ZNF362: variants seen among roughly 807,000 people sequenced by gnomAD.
ZNF362 encodes the protein zinc finger protein 362, also known as rotund homolog.
ZNF362 carries 11 observed loss-of-function variants against 42.9 expected under a neutral mutation model. The ratio of observed to expected loss-of-function variants is 0.26; its 90% confidence interval spans 0.16 to 0.42. The LOEUF (loss-of-function observed/expected upper bound fraction) is 0.42, where lower values mean the gene tolerates loss of function less well. ZNF362 is among the 20% of genes least tolerant of loss of function. The pLI, the probability that ZNF362 is intolerant of heterozygous loss-of-function variation, is 1.00. For missense variants in ZNF362, 362 were observed against 576.2 expected, an observed-to-expected ratio of 0.63 and a Z score of 3.81; for synonymous variants, 255 against 257.3, an observed-to-expected ratio of 0.99 and a Z score of 0.09.
chr1:33,182,752 A>AG, the ZNF362 span, among the ~76,000 whole-genome samples: 4 of 151,934 alleles, frequency 2.6e-5, no homozygotes, highest in African/African-American at 9.7e-5. Flanking sequence ...CCTGTGCAAA[A>AG]GCATAGAGGC....
the ZNF362 span, chr1:33,165,913 C>T: frequency 1.7e-5 from 3 of 181,002 alleles, no homozygotes; most frequent in Non-Finnish European, 3.5e-5. The surrounding 1 kb of genome is among the most constrained non-coding windows in gnomAD (Gnocchi z 4.0). Flanking sequence ...CCCCAGGCCA[C>T]AGGTGGGTAT....
intron 1 of ZNF362, among the ~76,000 whole-genome samples, chr1:33,262,217 A>G (rs1444514017): frequency 6.8e-6 from 1 of 146,976 alleles, no homozygotes; most frequent in Non-Finnish European, 1.5e-5. Context: ...TGCCTCATGC[A>G]TGTGGCCACA....
chr1:33,211,728 C>T, the ZNF362 span, among the ~76,000 whole-genome samples: 1 of 152,032 alleles, frequency 6.6e-6, no homozygotes, highest in Admixed American at 6.6e-5. Flanking sequence ...TTGCTCTTCT[C>T]AAGGAGTAAT....
upstream of ZNF362, among the ~76,000 whole-genome samples, chr1:33,255,536 G>A: frequency 6.6e-6 from 1 of 151,830 alleles, no homozygotes. Flanking sequence ...AGCTCGGGAG[G>A]CCGAATCAGG....
intron 6 of ZNF362, among the ~76,000 whole-genome samples, chr1:33,285,331 T>G (rs1356284400): frequency 1.3e-5 from 2 of 152,110 alleles, no homozygotes; most frequent in Non-Finnish European, 2.9e-5. Context: ...GGAGAATCAC[T>G]TGAACCCGGG....
Position 33,280,300 on chromosome 1 carries a change from A to T in ZNF362, c.526A>T (p.Ile176Phe). The T allele has an allele frequency of 6.2e-7, 1 of 1,613,830 alleles. No homozygotes were observed. The highest frequency in any genetic ancestry group is 8.5e-7 in the Non-Finnish European group (1 of 1,179,872). Residue 176 changes from isoleucine (I) to phenylalanine (F), a missense_variant, in exon 5 of 9, where the codon ATC becomes TTC. Physicochemically the swap from Ile to Phe is conservative, Grantham distance 21 (BLOSUM62 0). Transcript: ENST00000539719. The surrounding 1 kb of genome is among the most constrained non-coding windows in gnomAD (Gnocchi z 5.6). ...CACCAGCCCCCCTCTCCTGGACTCC[A>T]TCAAGACAATCCAGGGCCACGGCCT... ...GITSPPLLDSIKTIQGHGLLG... is the reference protein window; with the variant it reads ...GITSPPLLDSFKTIQGHGLLG...
chr1:33,174,532 G>A, the ZNF362 span, among the ~76,000 whole-genome samples: 1 of 152,140 alleles, frequency 6.6e-6, no homozygotes, highest in Non-Finnish European at 1.5e-5. Flanking sequence ...ATGGGGCAAT[G>A]AGATCCATCT....
chr1:33,238,363 T>TAATAA, the ZNF362 span, among the ~76,000 whole-genome samples: 1 of 71,698 alleles, frequency 1.4e-5, no homozygotes, highest in African/African-American at 5.4e-5. Flanking sequence ...TAAAATAAAA[T>TAATAA]AATAAAATAA....
the ZNF362 span, among the ~76,000 whole-genome samples, chr1:33,198,644 G>A: frequency 6.6e-6 from 1 of 151,644 alleles, no homozygotes; most frequent in African/African-American, 2.4e-5. Flanking sequence ...TCCAGCCTGG[G>A]CAACAGAGCA....
the ZNF362 span, among the ~76,000 whole-genome samples, chr1:33,167,000 C>T: frequency 6.6e-6 from 1 of 152,234 alleles, no homozygotes; most frequent in Non-Finnish European, 1.5e-5. Context: ...CACCCTCCCC[C>T]ATCACTCCCA....
the ZNF362 span, among the ~76,000 whole-genome samples, chr1:33,174,233 G>T: frequency 6.6e-6 from 1 of 151,432 alleles, no homozygotes; most frequent in Non-Finnish European, 1.5e-5. Flanking sequence ...GCTGGCTGTA[G>T]TGCAGTGGCA....
chr1:33,174,996 C>CATGTATTT, the ZNF362 span, among the ~76,000 whole-genome samples: 154 of 46,696 alleles, frequency 3.3e-3, 2 homozygotes, highest in African/African-American at 0.012. Context: ...TATGCACACA[C>CATGTATTT]ACATGTATGT....
chr1:33,280,568 G>T lies in ZNF362; in HGVS notation c.683+111G>T, dbSNP rs1422898875. The stretch of plus-strand genomic sequence containing the variant: ...GAAACAGGACCCTTAGGGCTGAGGG[G>T]CAGGGCTAGGGTCCAGAGGGGCGGG... On this transcript the variant is annotated intron_variant, in intron 5 of 8. Transcript: ENST00000539719. The surrounding 1 kb of genome is among the most constrained non-coding windows in gnomAD (Gnocchi z 5.6). 19 of 1,447,078 alleles carry T rather than the reference G, an allele frequency of 1.3e-5. No homozygotes were observed. Among genetic ancestry groups the T allele is most frequent in the Non-Finnish European group, 1.5e-5 (17 of 1,097,290 alleles). The allele number at this position is 1,447,078 out of a possible 1,614,324, so 89.6% of individuals were successfully genotyped here.
the ZNF362 span, among the ~76,000 whole-genome samples, chr1:33,219,297 T>A: frequency 6.6e-6 from 1 of 152,198 alleles, no homozygotes; most frequent in Non-Finnish European, 1.5e-5. Flanking sequence ...TCAGTGAGTG[T>A]GAGCCCACAG....
the ZNF362 span, among the ~76,000 whole-genome samples, chr1:33,170,977 G>C: frequency 6.6e-6 from 1 of 152,218 alleles, no homozygotes; most frequent in Non-Finnish European, 1.5e-5. Flanking sequence ...CGGCTCCCTA[G>C]TCGCTTCTTT....
rs541611120 is a variant in ZNF362, at chr1:33,266,777, T to C, written c.-88-3710T>C. Among the ~76,000 whole-genome samples the C allele has an allele frequency of 9.5e-4, 144 of 152,282 alleles. No homozygotes were observed. The highest frequency in any genetic ancestry group is 3.4e-3 in the African/African-American group (141 of 41,556). On this transcript the variant is annotated intron_variant, in intron 1 of 8. Coordinates refer to ENST00000539719, the MANE Select transcript of ZNF362 (RefSeq NM_152493.3). The surrounding 1 kb of genome is among the most constrained non-coding windows in gnomAD (Gnocchi z 4.3). The stretch of plus-strand genomic sequence containing the variant: ...GAGGGGCTCAGCCTGTGCAAAGCCA[T>C]GGCACATCAGATCACCTTGTTCTGG...
Position 33,280,334 on chromosome 1 carries a change from C to T in ZNF362, c.560C>T (p.Pro187Leu). The change falls in exon 5 of 9, where the codon CCC becomes CTC. Residue 187 changes from proline (P) to leucine (L), a missense_variant. Transcript: ENST00000539719. The surrounding 1 kb of genome is among the most constrained non-coding windows in gnomAD (Gnocchi z 5.6). Reference sequence around the variant, plus strand: ...ATCCAGGGCCACGGCCTGCTTGGCCCCCCCAAGTCCGAACGCGGCCGCAAA... The same window carrying T: ...ATCCAGGGCCACGGCCTGCTTGGCCTCCCCAAGTCCGAACGCGGCCGCAAA... ...KTIQGHGLLGPPKSERGRKKI... is the reference protein window; with the variant it reads ...KTIQGHGLLGLPKSERGRKKI... 2.5e-6 allele frequency: 4 copies of T among 1,614,088 alleles called. No homozygotes were observed. Among genetic ancestry groups the T allele is most frequent in the South Asian group, 2.2e-5 (2 of 91,084 alleles).
the ZNF362 span, among the ~76,000 whole-genome samples, chr1:33,157,287 G>A: frequency 1.2e-4 from 18 of 152,278 alleles, no homozygotes; most frequent in Admixed American, 5.9e-4. Flanking sequence ...CTGGGAAACA[G>A]AGGGAGACTG....
intron 1 of ZNF362, among the ~76,000 whole-genome samples, chr1:33,262,380 C>CT (rs34542197): frequency 0.8 from 113,637 of 141,250 alleles, 44,123 homozygotes; most frequent in East Asian, 0.84. Context: ...TCTCCCCTCA[C>CT]TGTAAGCTCC....
Sources: gnomAD v4.1 joint callset for allele counts (sites outside exome capture counted in the v4.1 genomes callset) on GRCh38, gnomAD v4.1.1 for gene constraint, Gnocchi (gnomAD v3.1) non-coding constraint, MANE v1.5 for transcripts, NCBI Gene and HGNC (gene_info 2026-07-23, HGNC 2026-07-21) for gene names.